GRIK1: variants seen among roughly 807,000 people sequenced by gnomAD.
GRIK1 encodes glutamate ionotropic receptor kainate type subunit 1, also known as glutamate receptor ionotropic, kainate 1.
A neutral mutation model predicts 105.7 loss-of-function variants in GRIK1; 69 were observed. The ratio of observed to expected loss-of-function variants is 0.65; its 90% CI spans 0.54 to 0.80. The LOEUF is 0.80. Among genes scored for constraint, GRIK1 ranks in the 30% least tolerant of loss-of-function variants. The pLI, the probability that GRIK1 is intolerant of heterozygous loss-of-function variation, is 0.00. For synonymous variants in GRIK1, 438 were observed against 431.3 expected (o/e 1.02, Z -0.19); for missense variants, 1,109 against 1,167.3 (o/e 0.95, Z 0.73).
chr21:29,939,609 C>A lies in GRIK1; in HGVS notation c.-109G>T. Reference sequence around the variant, plus strand: ...TCATCCTCTCTGGATGCTCCGGTTCCAAGCACGCTGCGCGCTCCCCACGGA... The same window carrying A: ...TCATCCTCTCTGGATGCTCCGGTTCAAAGCACGCTGCGCGCTCCCCACGGA... On this transcript the variant is annotated 5_prime_UTR_variant, in exon 1 of 18. Transcript: ENST00000327783. 1.5e-6 allele frequency: 1 copy of A among 655,582 alleles called. No homozygotes were observed. The highest frequency in any genetic ancestry group is 2.5e-6 in the Non-Finnish European group (1 of 396,728). 40.6% of individuals were successfully genotyped at this position (655,582 alleles called of 1,614,324 possible).
intron 7 of GRIK1, among the ~76,000 whole-genome samples, chr21:29,613,140 C>G (rs1199802554): frequency 6.6e-6 from 1 of 152,194 alleles, no homozygotes; most frequent in Admixed American, 6.5e-5. Flanking sequence ...TAACACAGGA[C>G]TGTCCGAGTG....
rs1283569886 is a variant in GRIK1 at position 29,588,352 on chromosome 21, TC to T, written c.1569+486del. On this transcript the variant is annotated intron_variant, in intron 11 of 17. Transcript: ENST00000327783. ...TAAATCTCACCTTGAATTGTAATAA[TC>T]CCCATGTGTCAAGGGTGGGACCAGG... 2.6e-5 allele frequency among the ~76,000 whole-genome samples: 4 copies of T among 152,142 alleles called. No individual in the cohort carries two copies. The East Asian group carries it at 7.7e-4, about 29-fold the overall frequency.
In GRIK1 at chr21:29,823,140, C is replaced by T. The variant is rs146070547; in HGVS notation, c.118+116243G>A. 2.3e-3 allele frequency among the ~76,000 whole-genome samples: 353 copies of T among 151,756 alleles called. 5 individuals carry two copies. Among genetic ancestry groups the T allele is most frequent in the Non-Finnish European group, 1.3e-3 (90 of 67,914 alleles). On this transcript the variant is annotated intron_variant, in intron 1 of 17. Transcript: ENST00000327783. The stretch of plus-strand genomic sequence containing the variant: ...TGAAAGAAAAATGAAATAAAATATG[C>T]GAACATGAGAGACAATTATTTACTC...
At position 29,753,761 on chromosome 21, in the gene GRIK1, T is replaced by G. The variant is rs532624990; in HGVS notation, c.119-59698A>C. ...TTTCATGTACAGGTGTATGAAATAT[T>G]TTTAGGTAAACAGTATGAAGATCTA... On this transcript the variant is annotated intron_variant, in intron 1 of 17. Transcript: ENST00000327783. Among the ~76,000 whole-genome samples, 6 of 152,298 alleles carry G rather than the reference T, an allele frequency of 3.9e-5. No individual in the cohort carries two copies. The South Asian group carries it at 1.2e-3, about 32-fold the overall frequency.
At chr21:29,714,153 G>A (rs1228241018) in intron 1 of GRIK1, among the ~76,000 whole-genome samples, 1 of 151,944 alleles carries the variant, frequency 6.6e-6, no homozygotes, top group Non-Finnish European at 1.5e-5. Flanking sequence ...TATGTTTAGA[G>A]TATCTTTAAA....
At chr21:29,776,173 C>T (rs758156240) in intron 1 of GRIK1, among the ~76,000 whole-genome samples, 2 of 152,152 alleles carry the variant, frequency 1.3e-5, no homozygotes, top group African/African-American at 2.4e-5. Context: ...CCCACGAGGT[C>T]CCTCCCTCCA....
chr21:29,576,066 C>T (rs887518928), intron 14 of GRIK1, among the ~76,000 whole-genome samples: 1 of 152,004 alleles, frequency 6.6e-6, no homozygotes, highest in Non-Finnish European at 1.5e-5. Flanking sequence ...AACTTTAGCC[C>T]CTTCTCTGTT....
intron 12 of GRIK1, among the ~76,000 whole-genome samples, chr21:29,584,530 A>T (rs1166682899): frequency 6.6e-6 from 1 of 152,216 alleles, no homozygotes; most frequent in African/African-American, 2.4e-5. Context: ...ATAGTAATTA[A>T]ATATTGTTTT....
intron 1 of GRIK1, among the ~76,000 whole-genome samples, chr21:29,715,501 CA>C (rs11325579): frequency 0.054 from 8,215 of 151,832 alleles, 558 homozygotes; most frequent in East Asian, 0.17. Flanking sequence ...CAAATTAATG[CA>C]AAAATGTGTG....
At chr21:29,579,549 T>G (rs2090969377) in intron 13 of GRIK1, among the ~76,000 whole-genome samples, 2 of 152,164 alleles carry the variant, frequency 1.3e-5, no homozygotes, top group Non-Finnish European at 1.5e-5. Context: ...TAAAAAAAAT[T>G]CAACAAAATG....
intron 7 of GRIK1, among the ~76,000 whole-genome samples, chr21:29,600,520 C>A (rs1262683557): frequency 6.6e-6 from 1 of 152,190 alleles, no homozygotes; most frequent in African/African-American, 2.4e-5. Flanking sequence ...ATCCACTTAG[C>A]TGTTTTTCTC....
chr21:29,587,658 T>C (rs1241665700), intron 11 of GRIK1, 69 bp from the exon 12 acceptor site: 1 of 794,708 alleles, frequency 1.3e-6, no homozygotes, highest in Non-Finnish European at 2.1e-6. Flanking sequence ...TTTTCCTGGG[T>C]ACTCCTGATT....
chr21:29,890,919 T>C (rs2069873459), intron 1 of GRIK1, among the ~76,000 whole-genome samples: 1 of 152,182 alleles, frequency 6.6e-6, no homozygotes, highest in African/African-American at 2.4e-5. Flanking sequence ...GTTGGTCTGT[T>C]TTTTGTATGT....
At position 29,793,595 on chromosome 21, in the gene GRIK1, C is replaced by A. The variant is rs560117964; in HGVS notation, c.119-99532G>T. 2.6e-5 allele frequency among the ~76,000 whole-genome samples: 4 copies of A among 151,274 alleles called. No individual in the cohort carries two copies. The East Asian group carries it at 7.8e-4, about 29-fold the overall frequency. ...GGTTAAAGAGCATGGCAGAGAAAGA[C>A]AGAAAGGAAAGCTGCCTTCCCCTAC... On this transcript the variant is annotated intron_variant, in intron 1 of 17. Coordinates refer to ENST00000327783, the MANE Select transcript of GRIK1 (RefSeq NM_001330994.2).
intron 9 of GRIK1, among the ~76,000 whole-genome samples, chr21:29,592,076 GAGAA>G (rs926903139): frequency 2.6e-5 from 4 of 152,094 alleles, no homozygotes; most frequent in South Asian, 2.1e-4. Context: ...TCTTTAAAAA[GAGAA>G]AGATAAATGA....
At chr21:29,745,222 C>T (rs571474946) in intron 1 of GRIK1, among the ~76,000 whole-genome samples, 11 of 152,264 alleles carry the variant, frequency 7.2e-5, no homozygotes, top group Non-Finnish European at 1.6e-4. Context: ...TAACTGCAAC[C>T]GAGATCCTCA....
chr21:29,826,791 C>A (rs117402841), intron 1 of GRIK1, among the ~76,000 whole-genome samples: 1,856 of 152,118 alleles, frequency 0.012, 129 homozygotes, highest in Admixed American at 0.1. Flanking sequence ...AGAACACTAA[C>A]AGAGGGTTAC....
At chr21:29,825,972 A>T (rs2067443944) in intron 1 of GRIK1, among the ~76,000 whole-genome samples, 1 of 152,080 alleles carries the variant, frequency 6.6e-6, no homozygotes, top group Non-Finnish European at 1.5e-5. Context: ...ATAATGTAAC[A>T]AGTAACTTGG....
intron 1 of GRIK1, among the ~76,000 whole-genome samples, chr21:29,918,476 A>C (rs565261089): frequency 6.6e-6 from 1 of 152,064 alleles, no homozygotes; most frequent in Non-Finnish European, 1.5e-5. Context: ...AAAGGTATAG[A>C]ATGTTCATAA....
Sources: gnomAD v4.1 joint callset for allele counts (sites outside exome capture counted in the v4.1 genomes callset) on GRCh38, gnomAD v4.1.1 for gene constraint, MANE v1.5 for transcripts, NCBI Gene and HGNC (gene_info 2026-07-23, HGNC 2026-07-21) for gene names.